Variants in AGPS observed in about 807,000 individuals in gnomAD.
AGPS encodes the protein alkyldihydroxyacetonephosphate synthase, peroxisomal.
AGPS carries 26 observed loss-of-function variants against 90.7 expected under a neutral mutation model. The observed-to-expected ratio is 0.29, with a 90% CI of 0.21 to 0.40. The LOEUF (loss-of-function observed/expected upper bound fraction) is 0.40, where lower values mean the gene tolerates loss of function less well. Ranked by LOEUF, AGPS falls within the 10% of genes least tolerant of loss-of-function variation. The pLI is 1.00. For missense variants in AGPS, 540 were observed against 816.1 expected, an observed-to-expected ratio of 0.66 and a Z score of 4.12; for synonymous variants, 294 against 285.3, an observed-to-expected ratio of 1.03 and a Z score of -0.31.
At chr2:177,448,303 A>T (rs1028938680) in intron 8 of AGPS, among the ~76,000 whole-genome samples, 2 of 152,252 alleles carry the variant, frequency 1.3e-5, no homozygotes, top group East Asian at 3.9e-4. Context: ...TAATAATGTG[A>T]ACTACTTAGA....
At chr2:177,463,753 T>C (rs375257085) in intron 9 of AGPS, among the ~76,000 whole-genome samples, 1 of 152,168 alleles carries the variant, frequency 6.6e-6, no homozygotes, top group Admixed American at 6.5e-5. Context: ...ATCCTTTTGC[T>C]ATTGGATTAT....
At chr2:177,479,618 A>G (rs1159333848) in intron 10 of AGPS, among the ~76,000 whole-genome samples, 1 of 152,258 alleles carries the variant, frequency 6.6e-6, no homozygotes, top group African/African-American at 2.4e-5. Context: ...AATACATGCT[A>G]TAGCATGGAT....
chr2:177,476,333 T>G (rs946786011), intron 10 of AGPS, among the ~76,000 whole-genome samples: 5 of 152,062 alleles, frequency 3.3e-5, no homozygotes, highest in Non-Finnish European at 7.4e-5. Context: ...TAGGTATTGC[T>G]TTACTTTATC....
chr2:177,411,607 T>C (rs1359349259), intron 1 of AGPS, among the ~76,000 whole-genome samples: 1 of 152,220 alleles, frequency 6.6e-6, no homozygotes, highest in Admixed American at 6.5e-5. Context: ...CTTTTCTCAT[T>C]TGGGGTTAGT....
At chr2:177,473,069 C>T (rs1687676978) in intron 10 of AGPS, among the ~76,000 whole-genome samples, 1 of 152,138 alleles carries the variant, frequency 6.6e-6, no homozygotes, top group Non-Finnish European at 1.5e-5. Context: ...AATAAGACTC[C>T]TTTTATTTAC....
intron 2 of AGPS, among the ~76,000 whole-genome samples, chr2:177,424,205 A>G (rs901645079): frequency 1.3e-5 from 2 of 152,158 alleles, no homozygotes; most frequent in Non-Finnish European, 2.9e-5. Context: ...AAGTGAGAAC[A>G]TGCGGTGTTT....
intron 5 of AGPS, among the ~76,000 whole-genome samples, chr2:177,439,259 G>A (rs1447655088): frequency 1.3e-5 from 2 of 152,166 alleles, no homozygotes; most frequent in East Asian, 1.9e-4. Flanking sequence ...TTACCGAGGG[G>A]AAACAGATAA....
intron 3 of AGPS, 75 bp from the exon 4 acceptor site, chr2:177,436,689 A>T: frequency 7.1e-7 from 1 of 1,412,204 alleles, no homozygotes. Flanking sequence ...TACATTTTAT[A>T]GTCATTCTCT....
intron 8 of AGPS, among the ~76,000 whole-genome samples, chr2:177,447,518 T>TA (rs1288979207): frequency 1.3e-5 from 2 of 152,108 alleles, no homozygotes; most frequent in Non-Finnish European, 2.9e-5. Context: ...CACTTTTTTT[T>TA]ATAACAAAGA....
At chr2:177,410,688 G>A (rs1685595585) in intron 1 of AGPS, among the ~76,000 whole-genome samples, 1 of 152,144 alleles carries the variant, frequency 6.6e-6, no homozygotes, top group Non-Finnish European at 1.5e-5. Flanking sequence ...TCCGGGACAG[G>A]GAGAGTAAGA....
intron 10 of AGPS, 44 bp downstream of exon 10, chr2:177,468,568 C>G: frequency 7.3e-7 from 1 of 1,371,542 alleles, no homozygotes; most frequent in Non-Finnish European, 1.0e-6. Flanking sequence ...ACAGGTTAGT[C>G]ATGCAGTTTT....
chr2:177,412,290 C>T (rs753826023), intron 1 of AGPS, among the ~76,000 whole-genome samples: 6 of 152,036 alleles, frequency 3.9e-5, no homozygotes, highest in Non-Finnish European at 8.8e-5. Flanking sequence ...GTGGGGTGCA[C>T]GCATGGGTGA....
At chr2:177,529,613 A>G (rs993055078) in intron 19 of AGPS, among the ~76,000 whole-genome samples, 1 of 152,234 alleles carries the variant, frequency 6.6e-6, no homozygotes, top group African/African-American at 2.4e-5. Context: ...CTGGGAAAGC[A>G]TATTAGCAGA....
At chr2:177,459,223 A>G (rs1687212130) in intron 8 of AGPS, among the ~76,000 whole-genome samples, 1 of 152,246 alleles carries the variant, frequency 6.6e-6, no homozygotes, top group Non-Finnish European at 1.5e-5. Context: ...AAATCCTAGA[A>G]GAAAACCTGG....
intron 9 of AGPS, among the ~76,000 whole-genome samples, chr2:177,462,730 T>C (rs1209337067): frequency 1.3e-5 from 2 of 152,176 alleles, no homozygotes; most frequent in Non-Finnish European, 2.9e-5. Context: ...ACAATTTACA[T>C]AGTATTTACA....
chr2:177,497,652 G>T, intron 12 of AGPS, 37 bp from the exon 13 acceptor site: 3 of 1,211,982 alleles, frequency 2.5e-6, no homozygotes, highest in South Asian at 1.5e-5. Context: ...GAAAAACATA[G>T]ACTAACCTAT....
At chr2:177,451,640 C>T (rs1388278607) in intron 8 of AGPS, among the ~76,000 whole-genome samples, 1 of 152,016 alleles carries the variant, frequency 6.6e-6, no homozygotes, top group African/African-American at 2.4e-5. Context: ...TATTTGTTAA[C>T]TATAGGTGTT....
At chr2:177,422,701 TAACAA>T (rs999270110) in intron 2 of AGPS, among the ~76,000 whole-genome samples, 3 of 152,132 alleles carry the variant, frequency 2.0e-5, no homozygotes, top group African/African-American at 7.2e-5. Context: ...TAAAATGAAA[TAACAA>T]AACAAAATTC....
intron 10 of AGPS, among the ~76,000 whole-genome samples, chr2:177,475,150 C>G (rs555018666): frequency 2.6e-5 from 4 of 152,280 alleles, no homozygotes; most frequent in Admixed American, 2.6e-4. Context: ...TTATTTGTAA[C>G]AACAACTAAC....
Sources: allele counts gnomAD v4.1 joint callset (sites outside exome capture counted in the v4.1 genomes callset), GRCh38; gene constraint gnomAD v4.1.1; transcripts MANE v1.5; gene names NCBI Gene and HGNC (gene_info 2026-07-23, HGNC 2026-07-21).